The following PLA2G4D variants were observed in gnomAD, a reference collection of about 807,000 sequenced individuals.
PLA2G4D encodes the protein phospholipase A2 group IVD.
A neutral mutation model predicts 94.4 loss-of-function variants in PLA2G4D; 80 were observed. The ratio of observed to expected loss-of-function variants is 0.85; its 90% confidence interval spans 0.71 to 1.02. The LOEUF (loss-of-function observed/expected upper bound fraction) is 1.02, where lower values mean the gene tolerates loss of function less well. Ranked by LOEUF, PLA2G4D falls within the 50% of genes least tolerant of loss-of-function variation. The probability of loss-of-function intolerance (pLI) is 0.00; values close to 1 mark genes in which losing one functional copy is unlikely to be tolerated. For synonymous variants in PLA2G4D, 438 were observed against 440.9 expected (o/e 0.99, Z 0.08); for missense variants, 1,050 against 1,034.7 (o/e 1.01, Z -0.20).
intron 9 of PLA2G4D, 100 bp from the exon 10 acceptor site, chr15:42,081,934 T>A: frequency 7.2e-7 from 1 of 1,396,566 alleles, no homozygotes; most frequent in Non-Finnish European, 9.8e-7. Flanking sequence ...ATTCTTTTTT[T>A]TTTTTTTTTT....
At chr15:42,088,453 C>A (rs554882307) in intron 1 of PLA2G4D, among the ~76,000 whole-genome samples, 22 of 152,258 alleles carry the variant, frequency 1.4e-4, no homozygotes, top group Non-Finnish European at 2.6e-4. Flanking sequence ...GTGGCTGAGG[C>A]CTGCTGGGGT....
At position 42,085,669 on chromosome 15, in the gene PLA2G4D, G is replaced by A. The variant is rs1410734834; in HGVS notation, c.388-138C>T. 8.3e-6 allele frequency: 7 copies of A among 841,882 alleles called. No individual in the cohort carries two copies. In the African/African-American group the frequency reaches 1.2e-4, roughly 14 times the overall value. 52.2% of individuals were successfully genotyped at this position (841,882 alleles called of 1,614,324 possible). A position where few individuals can be genotyped will look rare whatever the true frequency, so the allele number is the denominator to read the frequency against. On this transcript the variant is annotated intron_variant, in intron 4 of 19. Transcript: ENST00000290472. ...GTTAGTACAATTATTTCCAATTTAT[G>A]GATGAGGAAACTGAGGTATGGGGCC...
chr15:42,079,546 C>CA lies in PLA2G4D; in HGVS notation c.1307dup (p.His437AlafsTer46). 6.2e-7 allele frequency: 1 copy of CA among 1,603,032 alleles called. No individual in the cohort carries two copies. The highest frequency in any genetic ancestry group is 1.1e-5 in the South Asian group (1 of 90,058). The stretch of plus-strand genomic sequence containing the variant: ...TGCGCAGGCGCCCTACCTGGCCGTG[C>CA]AGCATGGACTCCAGCACTAGCGCCC... On this transcript the variant is annotated frameshift_variant, in exon 13 of 20. Coordinates refer to ENST00000290472, the MANE Select transcript of PLA2G4D (RefSeq NM_178034.4). LOFTEE classifies it high-confidence loss of function.
intron 11 of PLA2G4D, among the ~76,000 whole-genome samples, 154 bp from the exon 12 acceptor site, chr15:42,081,287 T>A (rs575522966): frequency 4.0e-4 from 61 of 152,276 alleles, no homozygotes; most frequent in African/African-American, 1.2e-3. Context: ...AGCCCTCCTC[T>A]GGAAGCAATG....
intron 7 of PLA2G4D, 115 bp from the exon 8 acceptor site, chr15:42,083,449 G>A (rs374306484): frequency 3.3e-5 from 47 of 1,441,682 alleles, no homozygotes; most frequent in South Asian, 1.6e-4. Context: ...CTGGGCCATC[G>A]TCAACAGCAT....
intron 4 of PLA2G4D, 55 bp from the exon 5 acceptor site, chr15:42,085,586 GAC>G: frequency 6.4e-7 from 1 of 1,567,426 alleles, no homozygotes; most frequent in Non-Finnish European, 8.8e-7. Context: ...CTTCAGAGTT[GAC>G]ACAGTTCTTT....
chr15:42,080,090 T>G (rs568420680), intron 12 of PLA2G4D, among the ~76,000 whole-genome samples: 13 of 152,250 alleles, frequency 8.5e-5, no homozygotes, highest in Non-Finnish European at 1.6e-4. Flanking sequence ...TTGATGTAAT[T>G]TCTATTTTTT....
intron 1 of PLA2G4D, among the ~76,000 whole-genome samples, chr15:42,092,056 C>T (rs1890254858): frequency 6.6e-6 from 1 of 152,208 alleles, no homozygotes; most frequent in Non-Finnish European, 1.5e-5. Flanking sequence ...GCCCAGCTGC[C>T]TTTTCTTTTA....
At chr15:42,073,638 G>C (rs751727569) in intron 13 of PLA2G4D, among the ~76,000 whole-genome samples, 3 of 152,188 alleles carry the variant, frequency 2.0e-5, no homozygotes, top group Non-Finnish European at 4.4e-5. Context: ...CTTATCATCA[G>C]AGTGACTCAG....
chr15:42,082,758 G>A (rs1298910694), intron 8 of PLA2G4D, among the ~76,000 whole-genome samples: 3 of 152,150 alleles, frequency 2.0e-5, no homozygotes, highest in Non-Finnish European at 4.4e-5. Flanking sequence ...GAGCTAAGAT[G>A]TTGAGGAGGA....
At chr15:42,085,950 G>C (rs1890135727) in intron 4 of PLA2G4D, among the ~76,000 whole-genome samples, 2 of 152,276 alleles carry the variant, frequency 1.3e-5, no homozygotes, top group Admixed American at 1.3e-4. Context: ...CCACCAGCAG[G>C]AGTGATGGAT....
chr15:42,068,786 T>C lies in PLA2G4D; in HGVS notation c.2386A>G (p.Ile796Val), dbSNP rs1889737636. ...AGCGCGGTCCTCAGGGCCTGCAGGATGGCACCCTGGCTGGTCTGCACGTTG... is the reference window on the plus strand; with the variant it reads ...AGCGCGGTCCTCAGGGCCTGCAGGACGGCACCCTGGCTGGTCTGCACGTTG... The part of the protein sequence containing the change: ...DYNVQTSQGA[I>V]LQALRTALKH... Residue 796 changes from isoleucine to valine, a missense_variant, in exon 20 of 20, where the codon ATC becomes GTC. By Grantham distance (29) the Ile-to-Val change is conservative. Coordinates refer to ENST00000290472, the MANE Select transcript of PLA2G4D (RefSeq NM_178034.4). 2.5e-6 allele frequency: 4 copies of C among 1,613,430 alleles called. No individual in the cohort carries two copies. The highest frequency in any genetic ancestry group is 1.7e-4 in the Middle Eastern group (1 of 6,060).
chr15:42,092,511 G>T (rs1216097451), intron 1 of PLA2G4D, among the ~76,000 whole-genome samples: 3 of 152,184 alleles, frequency 2.0e-5, no homozygotes, highest in Non-Finnish European at 4.4e-5. Flanking sequence ...CACTTTAACT[G>T]ATATGAATCT....
chr15:42,092,976 G>C (rs929238522), intron 1 of PLA2G4D, among the ~76,000 whole-genome samples: 3 of 152,198 alleles, frequency 2.0e-5, no homozygotes, highest in Admixed American at 2.0e-4. Flanking sequence ...TCAGAGAGAA[G>C]AGGAGTGGAA....
At position 42,070,132 on chromosome 15, in the gene PLA2G4D, G is replaced by A. The variant is rs191648255; in HGVS notation, c.2044-37C>T. On this transcript the variant is annotated intron_variant, in intron 18 of 19. Coordinates refer to ENST00000290472, the MANE Select transcript of PLA2G4D (RefSeq NM_178034.4). ...AAGGTGGCCCGGAGAGAACCAGCCC[G>A]GCCCAGGTCAATGCTGGGCCAGTTC... 5.5e-6 allele frequency: 8 copies of A among 1,453,066 alleles called. No homozygotes were observed. The African/African-American group carries it at 1.0e-4, about 19-fold the overall frequency. 90.0% of individuals were successfully genotyped at this position (1,453,066 alleles called of 1,614,324 possible).
At chr15:42,088,714 C>T (rs1890198262) in intron 1 of PLA2G4D, among the ~76,000 whole-genome samples, 1 of 152,142 alleles carries the variant, frequency 6.6e-6, no homozygotes. Context: ...AGGGAGCCTT[C>T]CCAGGAGGAC....
At chr15:42,089,580 C>T (rs1439699211) in intron 1 of PLA2G4D, among the ~76,000 whole-genome samples, 1 of 152,224 alleles carries the variant, frequency 6.6e-6, no homozygotes, top group Non-Finnish European at 1.5e-5. Context: ...TTGTCAGCAG[C>T]AGAGATTTCA....
intron 4 of PLA2G4D, among the ~76,000 whole-genome samples, 200 bp from the exon 5 acceptor site, chr15:42,085,731 A>T (rs936406938): frequency 6.6e-6 from 1 of 152,260 alleles, no homozygotes; most frequent in Non-Finnish European, 1.5e-5. Flanking sequence ...ACAGCTAGTA[A>T]GTCTGCAGAG....
In PLA2G4D at chr15:42,087,394, G is replaced by A. The variant is rs1270461015; in HGVS notation, c.161C>T (p.Ala54Val). ...DPYVILQLST[A>V]PGMKFKTKTL... ...CTTGGTCTTAAACTTCATTCCAGGT[G>A]CGGTCGACAGCTGTAGGATCACGTA... Residue 54 changes from alanine (A) to valine (V), a missense_variant, in exon 3 of 20, where the codon GCA becomes GTA. Transcript: ENST00000290472. 1.9e-6 allele frequency: 3 copies of A among 1,614,160 alleles called. No individual in the cohort carries two copies. The highest frequency in any genetic ancestry group is 1.3e-5 in the African/African-American group (1 of 75,026).
Sources: gnomAD v4.1 joint callset for allele counts (sites outside exome capture counted in the v4.1 genomes callset) on GRCh38, gnomAD v4.1.1 for gene constraint, MANE v1.5 for transcripts, NCBI Gene and HGNC (gene_info 2026-07-23, HGNC 2026-07-21) for gene names.